The following FAM81A variants were observed in gnomAD, a reference collection of about 807,000 sequenced individuals.
FAM81A encodes family with sequence similarity 81 member A.
FAM81A carries 19 observed loss-of-function variants against 46.7 expected under a neutral mutation model. The observed-to-expected ratio is 0.41, with a 90% CI of 0.28 to 0.60. FAM81A has a LOEUF of 0.60. FAM81A is among the 20% of genes least tolerant of loss of function. The probability of loss-of-function intolerance (pLI) is 0.34; values close to 1 mark genes in which losing one functional copy is unlikely to be tolerated. For synonymous variants in FAM81A, 183 were observed against 152.9 expected (o/e 1.20, Z -1.45); for missense variants, 377 against 453.5 (o/e 0.83, Z 1.53).
intron 1 of FAM81A, among the ~76,000 whole-genome samples, chr15:59,457,763 C>T (rs952283133): frequency 6.6e-6 from 1 of 152,124 alleles, no homozygotes; most frequent in Non-Finnish European, 1.5e-5. Context: ...TGATTTCAAT[C>T]AGAAATGCTT....
intron 3 of FAM81A, among the ~76,000 whole-genome samples, chr15:59,489,053 C>T (rs533717979): frequency 1.9e-4 from 29 of 152,244 alleles, no homozygotes; most frequent in African/African-American, 6.7e-4. Flanking sequence ...ATCACGAGGT[C>T]AGGAGATCGA....
At chr15:59,499,005 T>C (rs1227255809) in intron 4 of FAM81A, among the ~76,000 whole-genome samples, 1 of 152,174 alleles carries the variant, frequency 6.6e-6, no homozygotes, top group Non-Finnish European at 1.5e-5. Flanking sequence ...CTTTATTAGG[T>C]TGAGAAAGAT....
At position 59,516,637 on chromosome 15, in the gene FAM81A, G is replaced by C; in HGVS notation, c.787-8G>C. The C allele has an allele frequency of 6.2e-7, 1 of 1,606,376 alleles. No homozygotes were observed. Among genetic ancestry groups the C allele is most frequent in the Non-Finnish European group, 8.5e-7 (1 of 1,178,088 alleles). On this transcript the variant is annotated splice_region_variant and splice_polypyrimidine_tract_variant and intron_variant, in intron 7 of 8. Transcript: ENST00000288228. Reference sequence around the variant, plus strand: ...GTGATTAAGTGCAGTTCTTATCATGGATCTCAGGGAGCCAGTGAAAGGGAT... The same window carrying C: ...GTGATTAAGTGCAGTTCTTATCATGCATCTCAGGGAGCCAGTGAAAGGGAT...
intron 2 of FAM81A, among the ~76,000 whole-genome samples, chr15:59,428,877 T>G (rs1052872700): frequency 6.6e-6 from 1 of 152,136 alleles, no homozygotes; most frequent in East Asian, 1.9e-4. Context: ...GTGATCTGCC[T>G]GCCTCCGCCT....
intron 1 of FAM81A, chr15:59,401,558 C>A: frequency 1.3e-6 from 1 of 772,092 alleles, no homozygotes; most frequent in Non-Finnish European, 2.3e-6. Flanking sequence ...AGTAACCACC[C>A]TCTTCCATGC....
intron 3 of FAM81A, among the ~76,000 whole-genome samples, chr15:59,491,657 C>T (rs1306318276): frequency 6.6e-6 from 1 of 152,038 alleles, no homozygotes; most frequent in Non-Finnish European, 1.5e-5. Context: ...CATTGCATGC[C>T]TGTATCAAAA....
At chr15:59,467,074 T>G (rs1434248094) in intron 3 of FAM81A, among the ~76,000 whole-genome samples, 3 of 152,196 alleles carry the variant, frequency 2.0e-5, no homozygotes, top group Non-Finnish European at 2.9e-5. Flanking sequence ...ATATGTCTGT[T>G]TTAGTACCAG....
intron 1 of FAM81A, among the ~76,000 whole-genome samples, chr15:59,457,396 C>T (rs1220059060): frequency 6.6e-6 from 1 of 152,128 alleles, no homozygotes; most frequent in Non-Finnish European, 1.5e-5. Flanking sequence ...ACCAAGTAAC[C>T]CTTATTTTAC....
chr15:59,514,835 G>T (rs902161336), intron 7 of FAM81A, among the ~76,000 whole-genome samples: 1 of 152,202 alleles, frequency 6.6e-6, no homozygotes, highest in East Asian at 1.9e-4. Flanking sequence ...AGCTACATGT[G>T]AGATACCACA....
chr15:59,410,023 CG>C (rs1293759908), intron 2 of FAM81A, among the ~76,000 whole-genome samples: 5 of 152,042 alleles, frequency 3.3e-5, no homozygotes, highest in Admixed American at 1.3e-4. Flanking sequence ...TAGTGCAGGC[CG>C]GGCATTGTGG....
At chr15:59,416,569 G>T (rs759272951) in intron 2 of FAM81A, among the ~76,000 whole-genome samples, 32 of 152,178 alleles carry the variant, frequency 2.1e-4, no homozygotes, top group Non-Finnish European at 4.0e-4. Flanking sequence ...ACTCAAACAG[G>T]AGCTGAAGGG....
chr15:59,481,227 G>T (rs1473359745), intron 3 of FAM81A, among the ~76,000 whole-genome samples: 1 of 152,008 alleles, frequency 6.6e-6, no homozygotes, highest in Non-Finnish European at 1.5e-5. Context: ...CAAACTCCTG[G>T]GCTCAGGCAA....
Position 59,469,661 on chromosome 15 carries a change from CTT to C in FAM81A, c.294+9457_294+9458del, listed in dbSNP as rs1453339768. Reference sequence around the variant, plus strand: ...TACAGCACACTGATGGGTCTTGACTCTTTATCCAATTTGCCAGTCTGTGTCTT... The same window carrying C: ...TACAGCACACTGATGGGTCTTGACTCTATCCAATTTGCCAGTCTGTGTCTT... On this transcript the variant is annotated intron_variant, in intron 3 of 8. Coordinates refer to ENST00000288228, the MANE Select transcript of FAM81A (RefSeq NM_152450.3). 5.3e-5 allele frequency among the ~76,000 whole-genome samples: 8 copies of C among 152,062 alleles called. No individual in the cohort carries two copies. The South Asian group carries it at 1.7e-3, about 32-fold the overall frequency.
At chr15:59,467,726 C>G (rs975765459) in intron 3 of FAM81A, among the ~76,000 whole-genome samples, 2 of 152,178 alleles carry the variant, frequency 1.3e-5, no homozygotes, top group African/African-American at 4.8e-5. Flanking sequence ...ATTGCCCTGG[C>G]CAGAACTTCC....
chr15:59,439,812 A>G (rs775624555), intron 1 of FAM81A: 1 of 152,232 alleles, frequency 6.6e-6, no homozygotes, highest in South Asian at 2.1e-4. Flanking sequence ...GAGCCACACT[A>G]CATGGTGCTT....
intron 1 of FAM81A, among the ~76,000 whole-genome samples, chr15:59,452,095 G>A (rs4774330): frequency 1 from 151,824 of 152,328 alleles, 75,663 homozygotes; most frequent in Middle Eastern, 1. Flanking sequence ...TCATTTTTGT[G>A]GATCAGCTGT....
upstream of FAM81A, among the ~76,000 whole-genome samples, chr15:59,434,389 G>T (rs1355498043): frequency 6.6e-6 from 1 of 152,054 alleles, no homozygotes; most frequent in African/African-American, 2.4e-5. Flanking sequence ...CTTCTCTAAA[G>T]AGTGACCTAC....
chr15:59,470,173 C>A (rs2081667242), intron 3 of FAM81A, among the ~76,000 whole-genome samples: 1 of 152,140 alleles, frequency 6.6e-6, no homozygotes, highest in African/African-American at 2.4e-5. Context: ...GTGAATCTGA[C>A]AATTATGTGT....
intron 8 of FAM81A, 147 bp from the exon 9 acceptor site, chr15:59,521,107 C>T: frequency 4.7e-6 from 4 of 854,270 alleles, no homozygotes; most frequent in Non-Finnish European, 6.8e-6. Context: ...ACTAGAAACT[C>T]ACCTGTTCCC....
Sources: gnomAD v4.1 joint callset for allele counts (sites outside exome capture counted in the v4.1 genomes callset) on GRCh38, gnomAD v4.1.1 for gene constraint, MANE v1.5 for transcripts, NCBI Gene and HGNC (gene_info 2026-07-23, HGNC 2026-07-21) for gene names.